GSTM3: variants seen among roughly 807,000 people sequenced by gnomAD.
The protein encoded by GSTM3 is GST class-mu 3.
In GSTM3, 34 loss-of-function variants were observed where a neutral mutation model predicts 36.1. That is an observed-to-expected ratio of 0.94 (90% CI 0.72 to 1.25). The LOEUF (loss-of-function observed/expected upper bound fraction) is 1.25, where lower values mean the gene tolerates loss of function less well. GSTM3 is among the 50% of genes most tolerant of loss of function. The pLI is 0.00. For missense variants in GSTM3, 266 were observed against 281.6 expected, an observed-to-expected ratio of 0.94 and a Z score of 0.40; for synonymous variants, 102 against 99.5, an observed-to-expected ratio of 1.03 and a Z score of -0.15.
rs146798068 is a variant in GSTM3, at chr1:109,737,164, C to T, written c.585G>A (p.Leu195=). The change falls in exon 9 of 9, where the codon TTG becomes TTA. Residue 195 remains leucine (L), a synonymous_variant. Coordinates refer to ENST00000361066, the MANE Select transcript of GSTM3 (RefSeq NM_000849.5). ...LKAFMCRFEA[L]EKIAAYLQSD... Reference sequence around the variant, plus strand: ...ACTGTAAGTAGGCAGCGATTTTCTCCAAAGCCTGAAAGGAAAATACACCAA... The same window carrying T: ...ACTGTAAGTAGGCAGCGATTTTCTCTAAAGCCTGAAAGGAAAATACACCAA... 8.4e-5 allele frequency: 136 copies of T among 1,610,936 alleles called. No homozygotes were observed. Among genetic ancestry groups the T allele is most frequent in the Non-Finnish European group, 1.1e-4 (131 of 1,177,184 alleles).
intron 6 of GSTM3, 105 bp from the exon 7 acceptor site, chr1:109,737,856 C>T: frequency 1.3e-6 from 1 of 762,330 alleles, no homozygotes; most frequent in Non-Finnish European, 2.2e-6. Flanking sequence ...GGTGGGTTCT[C>T]ATTGCCTTCA....
In GSTM3 at chr1:109,737,477, C is replaced by G. The variant is rs775586665; in HGVS notation, c.559G>C (p.Ala187Pro). The stretch of plus-strand genomic sequence containing the variant: ...GTCACCTCAAAACGGCACATGAAAG[C>G]CTTCAGGTTTGGGAACTCATCCAGG... ...KCLDEFPNLKAFMCRFEALEK... is the reference protein window; with the variant it reads ...KCLDEFPNLKPFMCRFEALEK... Residue 187 changes from alanine (A) to proline (P), a missense_variant, in exon 8 of 9, where the codon GCT becomes CCT. By Grantham distance (27) the Ala-to-Pro change is conservative. Transcript: ENST00000361066. The G allele has an allele frequency of 1.2e-6, 2 of 1,609,328 alleles. No individual in the cohort carries two copies. The highest frequency in any genetic ancestry group is 2.2e-5 in the South Asian group (2 of 90,990).
intron 3 of GSTM3, 37 bp downstream of exon 3, chr1:109,739,796 G>A (rs765601956): frequency 6.8e-7 from 1 of 1,472,458 alleles, no homozygotes; most frequent in South Asian, 1.2e-5. Flanking sequence ...CAGGTGGAGG[G>A]CCAGCTTGGC....
chr1:109,738,043 C>T lies in GSTM3; in HGVS notation c.372+48G>A, dbSNP rs193146562. The T allele has an allele frequency of 3.6e-4, 430 of 1,207,652 alleles. No individual in the cohort carries two copies. In the African/African-American group the frequency reaches 5.7e-3, roughly 16 times the overall value. 74.8% of individuals were successfully genotyped at this position (1,207,652 alleles called of 1,614,324 possible). On this transcript the variant is annotated intron_variant, in intron 6 of 8. Transcript: ENST00000361066. ...AGATAACCCTTGGGTTCCTAAATACCCCTTTTTCTGATACTCCATTCAGCA... is the reference window on the plus strand; with the variant it reads ...AGATAACCCTTGGGTTCCTAAATACTCCTTTTTCTGATACTCCATTCAGCA...
chr1:109,736,887 A>G lies in GSTM3; in HGVS notation c.*184T>C. 1.8e-6 allele frequency: 1 copy of G among 566,148 alleles called. No homozygotes were observed. The highest frequency in any genetic ancestry group is 2.1e-5 in the South Asian group (1 of 47,460). 35.1% of individuals were successfully genotyped at this position (566,148 alleles called of 1,614,324 possible). The stretch of plus-strand genomic sequence containing the variant: ...GGGAGTAGGGAAATGCCAGTATCGC[A>G]GCGATTCAATTCATATCTTGATGAT... On this transcript the variant is annotated 3_prime_UTR_variant, in exon 9 of 9. Transcript: ENST00000361066.
Position 109,736,068 on chromosome 1 carries a change from C to T in GSTM3, c.*1003G>A. 1 of 152,198 alleles carries T rather than the reference C, an allele frequency of 6.6e-6. No homozygotes were observed. The highest frequency in any genetic ancestry group is 6.5e-5 in the Admixed American group (1 of 15,280). 9.4% of individuals were successfully genotyped at this position (152,198 alleles called of 1,614,324 possible). ...AGGAAATGCATATCACTTTCCTAAG[C>T]CTTGCCAACACTTTAGAAACTTTTT... On this transcript the variant is annotated 3_prime_UTR_variant, in exon 9 of 9. Transcript: ENST00000361066.
chr1:109,740,812 A>C, intron 1 of GSTM3, 141 bp downstream of exon 1: 1 of 160,110 alleles, frequency 6.2e-6, no homozygotes, highest in East Asian at 1.9e-4. Context: ...CTGCAACCTG[A>C]CCCCAACGTG....
Position 109,735,731 on chromosome 1 carries a change from C to T in GSTM3, c.*1340G>A, listed in dbSNP as rs769979668. The stretch of plus-strand genomic sequence containing the variant: ...GATCTCGGCTCACTGCAACCTCTGC[C>T]TCCCAGGTTCAAGCAATTCTCCTGC... On this transcript the variant is annotated 3_prime_UTR_variant, in exon 9 of 9. Transcript: ENST00000361066. 1.3e-5 allele frequency: 2 copies of T among 150,014 alleles called. No homozygotes were observed. Among genetic ancestry groups the T allele is most frequent in the Non-Finnish European group, 2.9e-5 (2 of 67,816 alleles). The allele number at this position is 150,014 out of a possible 1,614,324, so 9.3% of individuals were successfully genotyped here.
In GSTM3 at chr1:109,739,435, A is replaced by T; in HGVS notation, c.183T>A (p.Phe61Leu). Residue 61 changes from phenylalanine to leucine, a missense_variant, in exon 4 of 9, where the codon TTT becomes TTA. Physicochemically the swap from Phe to Leu is conservative, Grantham distance 22. Coordinates refer to ENST00000361066, the MANE Select transcript of GSTM3 (RefSeq NM_000849.5). ...CTCTACTAAAGCCACTTACATTAGG[A>T]AAGTCCAGGTCTAGCTTGAATTTCA... ...LDVKFKLDLD[F>L]PNLPYLLDGK... The T allele has an allele frequency of 6.2e-7, 1 of 1,610,980 alleles. No individual in the cohort carries two copies. Among genetic ancestry groups the T allele is most frequent in the African/African-American group, 1.3e-5 (1 of 75,004 alleles).
Position 109,737,735 on chromosome 1 carries a change from T to A in GSTM3, c.389A>T (p.Gln130Leu). ...TTGTCCAGGTAGCTCTTCCAAGTACTGAGGCTTCAGTTTTTCCTGAGAGGA... is the reference window on the plus strand; with the variant it reads ...TTGTCCAGGTAGCTCTTCCAAGTACAGAGGCTTCAGTTTTTCCTGAGAGGA... Reference protein sequence around the residue: ...YSSDHEKLKPQYLEELPGQLK... With the variant: ...YSSDHEKLKPLYLEELPGQLK... Residue 130 changes from glutamine to leucine, a missense_variant, in exon 7 of 9, where the codon CAG becomes CTG. Gln to Leu is a moderately radical substitution (Grantham distance 113, BLOSUM62 -2). Coordinates refer to ENST00000361066, the MANE Select transcript of GSTM3 (RefSeq NM_000849.5). 1 of 1,592,764 alleles carries A rather than the reference T, an allele frequency of 6.3e-7. No individual in the cohort carries two copies. The highest frequency in any genetic ancestry group is 8.6e-7 in the Non-Finnish European group (1 of 1,167,978).
At chr1:109,737,589 G>T in intron 7 of GSTM3, 22 bp from the exon 8 acceptor site, 1 of 1,561,616 alleles carries the variant, frequency 6.4e-7, no homozygotes, top group Non-Finnish European at 8.8e-7. Context: ...GCAATAAGAT[G>T]CTTAGGTCTG....
chr1:109,739,962 C>CGCCCGCTAACGTTCCCCG (rs1649319141), intron 2 of GSTM3, 54 bp from the exon 3 acceptor site: 4 of 1,356,170 alleles, frequency 2.9e-6, no homozygotes, highest in Middle Eastern at 1.8e-4. Context: ...TCCCAACCCC[C>CGCCCGCTAACGTTCCCCG]GCCCGCTAAC....
rs1649191634 is a variant in GSTM3 at position 109,736,088 on chromosome 1, C to A, written c.*983G>T. ...CTAAGCCTTGCCAACACTTTAGAAA[C>A]TTTTTACTCATCGGATAGAAGGAAA... On this transcript the variant is annotated 3_prime_UTR_variant, in exon 9 of 9. Coordinates refer to ENST00000361066, the MANE Select transcript of GSTM3 (RefSeq NM_000849.5). The A allele has an allele frequency of 6.6e-6, 1 of 152,172 alleles. No individual in the cohort carries two copies. 9.4% of individuals were successfully genotyped at this position (152,172 alleles called of 1,614,324 possible).
At position 109,734,272 on chromosome 1, in the gene GSTM3, T is replaced by C. The variant is rs1235801357; in HGVS notation, c.*2799A>G. On this transcript the variant is annotated 3_prime_UTR_variant, in exon 9 of 9. Coordinates refer to ENST00000361066, the MANE Select transcript of GSTM3 (RefSeq NM_000849.5). ...GTTAAATTAGGGACATTTAGGCTGA[T>C]TTATTGTGCCCGCACCAAAGTTGGG... 2 of 152,224 alleles carry C rather than the reference T, an allele frequency of 1.3e-5. No homozygotes were observed. The highest frequency in any genetic ancestry group is 2.4e-5 in the African/African-American group (1 of 41,448). The allele number at this position is 152,224 out of a possible 1,614,324, so 9.4% of individuals were successfully genotyped here.
rs776178431 is a variant in GSTM3, at chr1:109,737,644, C to T, written c.468+12G>A. Reference sequence around the variant, plus strand: ...GATAGAGAAGTATCCTCTTCTTTTCCCTTCTTCCTACCTTTTCCCCGGCAA... The same window carrying T: ...GATAGAGAAGTATCCTCTTCTTTTCTCTTCTTCCTACCTTTTCCCCGGCAA... On this transcript the variant is annotated intron_variant, in intron 7 of 8. Coordinates refer to ENST00000361066, the MANE Select transcript of GSTM3 (RefSeq NM_000849.5). 5 of 1,583,084 alleles carry T rather than the reference C, an allele frequency of 3.2e-6. No homozygotes were observed. The Admixed American group carries it at 8.5e-5, about 27-fold the overall frequency.
In GSTM3 at chr1:109,738,130, G is replaced by A. The variant is rs775354095; in HGVS notation, c.333C>T (p.Phe111=). The change falls in exon 6 of 9, where the codon TTC becomes TTT. Residue 111 remains phenylalanine (F), a synonymous_variant. Transcript: ENST00000361066. ...AACAGAGCCTTATCAGTTGTGTGCG[G>A]AAATCCATTACTTGGTTCTCTATGA... ...VDIIENQVMD[F]RTQLIRLCYS... is the part of the protein sequence containing the mutation. 1.9e-6 allele frequency: 3 copies of A among 1,613,776 alleles called. No individual in the cohort carries two copies. The South Asian group carries it at 3.3e-5, about 18-fold the overall frequency.
intron 4 of GSTM3, among the ~76,000 whole-genome samples, chr1:109,738,875 C>A (rs577897127): frequency 3.3e-5 from 5 of 152,324 alleles, no homozygotes; most frequent in Non-Finnish European, 7.3e-5. Context: ...AATCCCAACA[C>A]TTTGGAAGGC....
intron 3 of GSTM3, 100 bp from the exon 4 acceptor site, chr1:109,739,593 C>A (rs993218121): frequency 4.5e-6 from 4 of 886,236 alleles, no homozygotes; most frequent in African/African-American, 3.3e-5. Context: ...ACCTCAAATT[C>A]CCAGGCCCCA....
Position 109,736,890 on chromosome 1 carries a change from G to T in GSTM3, c.*181C>A. On this transcript the variant is annotated 3_prime_UTR_variant, in exon 9 of 9. Transcript: ENST00000361066. The stretch of plus-strand genomic sequence containing the variant: ...AGTAGGGAAATGCCAGTATCGCAGC[G>T]ATTCAATTCATATCTTGATGATTCT... 1.8e-6 allele frequency: 1 copy of T among 569,400 alleles called. No homozygotes were observed. The allele number at this position is 569,400 out of a possible 1,614,324, so 35.3% of individuals were successfully genotyped here.
Sources: allele counts gnomAD v4.1 joint callset (sites outside exome capture counted in the v4.1 genomes callset), GRCh38; gene constraint gnomAD v4.1.1; transcripts MANE v1.5; gene names NCBI Gene and HGNC (gene_info 2026-07-23, HGNC 2026-07-21).